ZNF33B: variants seen among roughly 807,000 people sequenced by gnomAD.
ZNF33B encodes the protein zinc finger protein 11b (KOX 2).
In ZNF33B, 29 loss-of-function variants were observed where a neutral mutation model predicts 45.8. The ratio of observed to expected loss-of-function variants is 0.63; its 90% confidence interval spans 0.47 to 0.86. The LOEUF is 0.86. Ranked by LOEUF, ZNF33B falls within the 40% of genes least tolerant of loss-of-function variation. The probability of loss-of-function intolerance (pLI) is 0.00; values close to 1 mark genes in which losing one functional copy is unlikely to be tolerated. For synonymous variants in ZNF33B, 305 were observed against 307.8 expected (o/e 0.99, Z 0.10); for missense variants, 831 against 909.9 (o/e 0.91, Z 1.12).
At chr10:42,603,666 G>A (rs1397942051) in intron 4 of ZNF33B, among the ~76,000 whole-genome samples, 2 of 152,174 alleles carry the variant, frequency 1.3e-5, no homozygotes, top group African/African-American at 4.8e-5. Context: ...CAAACTAAGA[G>A]CAACATATGG....
intron 4 of ZNF33B, among the ~76,000 whole-genome samples, chr10:42,604,934 A>G (rs1047182615): frequency 3.9e-5 from 6 of 151,926 alleles, no homozygotes; most frequent in African/African-American, 1.4e-4. Context: ...AAAAAAAAAA[A>G]GAAAGAAAAG....
chr10:42,575,291 T>A (rs959588306), intron 1 of ZNF33B, among the ~76,000 whole-genome samples: 2 of 151,908 alleles, frequency 1.3e-5, no homozygotes, highest in African/African-American at 4.8e-5. Flanking sequence ...TGGACTGAGT[T>A]GACACAGGGC....
At chr10:42,613,267 C>T (rs1250474815) in intron 4 of ZNF33B, among the ~76,000 whole-genome samples, 1 of 152,066 alleles carries the variant, frequency 6.6e-6, no homozygotes, top group African/African-American at 2.4e-5. Context: ...AATGGAAGGC[C>T]AGGCATGGTG....
chr10:42,638,321 C>T (rs1400447476), intron 1 of ZNF33B, among the ~76,000 whole-genome samples, 153 bp downstream of exon 1: 1 of 152,280 alleles, frequency 6.6e-6, no homozygotes, highest in African/African-American at 2.4e-5. Context: ...ACTGGCGTAG[C>T]GTCCTGGTAG....
chr10:42,576,014 C>CT (rs2132010056), intron 1 of ZNF33B, among the ~76,000 whole-genome samples: 2 of 152,204 alleles, frequency 1.3e-5, no homozygotes, highest in African/African-American at 4.8e-5. Flanking sequence ...CCTCAGCCTT[C>CT]TGAGTAGCTG....
chr10:42,625,608 G>T (rs1838772583), intron 4 of ZNF33B, among the ~76,000 whole-genome samples: 1 of 152,134 alleles, frequency 6.6e-6, no homozygotes, highest in South Asian at 2.1e-4. Flanking sequence ...CAAGTAGCTG[G>T]GATTACTGGC....
chr10:42,585,108 C>G (rs1267908523), downstream of ZNF33B, among the ~76,000 whole-genome samples: 1 of 152,204 alleles, frequency 6.6e-6, no homozygotes, highest in Non-Finnish European at 1.5e-5. Context: ...CAAGAGGAAA[C>G]TGACCACTTG....
chr10:42,590,398 T>A lies in ZNF33B; in HGVS notation c.*2215A>T, dbSNP rs1423223191. 1 of 152,180 alleles carries A rather than the reference T, an allele frequency of 6.6e-6. No homozygotes were observed. The highest frequency in any genetic ancestry group is 1.9e-4 in the East Asian group (1 of 5,198). 9.4% of individuals were successfully genotyped at this position (152,180 alleles called of 1,614,324 possible). A position where few individuals can be genotyped will look rare whatever the true frequency, so the allele number is the denominator to read the frequency against. ...TTGGAAGGTTTTATTATTATTAATT[T>A]TATTGAGATGGAGTCTCACTCTGTC... On this transcript the variant is annotated 3_prime_UTR_variant, in exon 5 of 5. Coordinates refer to ENST00000359467, the MANE Select transcript of ZNF33B (RefSeq NM_006955.3).
At chr10:42,638,402 G>T in intron 1 of ZNF33B, 72 bp downstream of exon 1, 1 of 352,720 alleles carries the variant, frequency 2.8e-6, no homozygotes, top group Non-Finnish European at 5.5e-6. Context: ...ACCTGGCACT[G>T]GCCCCCGGCT....
rs540927786 is a variant in ZNF33B at position 42,619,294 on chromosome 10, C to T, written c.250+12635G>A. Among the ~76,000 whole-genome samples, 32 of 152,230 alleles carry T rather than the reference C, an allele frequency of 2.1e-4. No homozygotes were observed. In the South Asian group the frequency reaches 6.4e-3, roughly 31 times the overall value. On this transcript the variant is annotated intron_variant, in intron 4 of 4. Coordinates refer to ENST00000359467, the MANE Select transcript of ZNF33B (RefSeq NM_006955.3). Reference sequence around the variant, plus strand: ...AAGAGACCCTCATTAATATCAGGAGCTCATATCTCCGCAGAAATCAATTGA... The same window carrying T: ...AAGAGACCCTCATTAATATCAGGAGTTCATATCTCCGCAGAAATCAATTGA...
chr10:42,610,124 T>G (rs1838038664), intron 4 of ZNF33B, among the ~76,000 whole-genome samples: 1 of 152,208 alleles, frequency 6.6e-6, no homozygotes, highest in South Asian at 2.1e-4. Flanking sequence ...AGTTGACTGC[T>G]CATGCATATA....
intron 1 of ZNF33B, among the ~76,000 whole-genome samples, chr10:42,576,855 G>A (rs1166399676): frequency 2.0e-5 from 3 of 152,118 alleles, no homozygotes; most frequent in Non-Finnish European, 2.9e-5. Flanking sequence ...GTCCAGGGCC[G>A]GGCGCCGTGG....
At chr10:42,622,374 G>A (rs116399087) in intron 4 of ZNF33B, among the ~76,000 whole-genome samples, 1 of 152,166 alleles carries the variant, frequency 6.6e-6, no homozygotes. Flanking sequence ...CCTGAATAGC[G>A]AAAACAATTT....
intron 4 of ZNF33B, among the ~76,000 whole-genome samples, chr10:42,622,487 T>C (rs115550572): frequency 0.017 from 2,585 of 152,304 alleles, 79 homozygotes; most frequent in African/African-American, 0.059. Context: ...GGTGTAGACA[T>C]ACAGACAAAC....
At chr10:42,576,672 A>G (rs559343800) in intron 1 of ZNF33B, among the ~76,000 whole-genome samples, 47 of 152,268 alleles carry the variant, frequency 3.1e-4, no homozygotes, top group African/African-American at 1.1e-3. Flanking sequence ...CTGGAATAGG[A>G]CCTGACTTTG....
intron 4 of ZNF33B, among the ~76,000 whole-genome samples, chr10:42,599,060 T>C (rs1837513556): frequency 6.6e-6 from 1 of 152,214 alleles, no homozygotes; most frequent in Non-Finnish European, 1.5e-5. Context: ...CAAGCCGTAA[T>C]AGCTGTTTAT....
At chr10:42,614,058 A>C (rs994515702) in intron 4 of ZNF33B, among the ~76,000 whole-genome samples, 1 of 152,232 alleles carries the variant, frequency 6.6e-6, no homozygotes, top group Non-Finnish European at 1.5e-5. Flanking sequence ...TACAATATGG[A>C]AAATAGGAAG....
In ZNF33B at chr10:42,593,630, G is replaced by A. The variant is rs373326998; in HGVS notation, c.1320C>T (p.Pro440=). Residue 440 remains proline (P), a synonymous_variant, in exon 5 of 5, where the codon CCC becomes CCT. Transcript: ENST00000359467. ...ATTTTCCACATTCATAACATTCATA[G>A]GGTTTCTGCCCTGTGTGTGTTCTCT... ...KHQRTHTGQK[P]YECYECGKSF... is the part of the protein sequence containing the mutation. 8.1e-6 allele frequency: 13 copies of A among 1,613,850 alleles called. No homozygotes were observed. The highest frequency in any genetic ancestry group is 1.1e-5 in the Non-Finnish European group (13 of 1,179,970).
Position 42,590,774 on chromosome 10 carries a change from G to A in ZNF33B, c.*1839C>T, listed in dbSNP as rs1837090476. ...TGGTGACCATAGGATCAGCTATGATGGCCTCTTTCACTTTTGGTATTAGCA... is the reference window on the plus strand; with the variant it reads ...TGGTGACCATAGGATCAGCTATGATAGCCTCTTTCACTTTTGGTATTAGCA... On this transcript the variant is annotated 3_prime_UTR_variant, in exon 5 of 5. Transcript: ENST00000359467. 3.3e-5 allele frequency: 5 copies of A among 151,894 alleles called. No individual in the cohort carries two copies. The South Asian group carries it at 1.0e-3, about 32-fold the overall frequency. 9.4% of individuals were successfully genotyped at this position (151,894 alleles called of 1,614,324 possible). A position where few individuals can be genotyped will look rare whatever the true frequency, so the allele number is the denominator to read the frequency against.
Sources: gnomAD v4.1 joint callset for allele counts (sites outside exome capture counted in the v4.1 genomes callset) on GRCh38, gnomAD v4.1.1 for gene constraint, MANE v1.5 for transcripts, NCBI Gene and HGNC (gene_info 2026-07-23, HGNC 2026-07-21) for gene names.